Variants in THRAP3 observed in about 807,000 individuals in gnomAD.
The protein encoded by THRAP3 is thyroid hormone receptor-associated protein 3.
Under a neutral mutation model 101.0 loss-of-function variants are expected in THRAP3, and 16 were observed. The ratio of observed to expected loss-of-function variants is 0.16; its 90% CI spans 0.11 to 0.24. The LOEUF (loss-of-function observed/expected upper bound fraction) is 0.24, where lower values mean the gene tolerates loss of function less well. Among genes scored for constraint, THRAP3 ranks in the 10% least tolerant of loss-of-function variants. The probability of loss-of-function intolerance (pLI) is 1.00; values close to 1 mark genes in which losing one functional copy is unlikely to be tolerated. For synonymous variants in THRAP3, 407 were observed against 422.6 expected (o/e 0.96, Z 0.45); for missense variants, 989 against 1,202.7 (o/e 0.82, Z 2.63).
intron 6 of THRAP3, among the ~76,000 whole-genome samples, chr1:36,292,252 GTTTCTTTGTTTCTTTTT>G (rs1645880562): frequency 1.7e-5 from 1 of 57,504 alleles, no homozygotes; most frequent in South Asian, 8.1e-4. Flanking sequence ...AACATAATGT[GTTTCTTTGTTTCTTTTT>G]TTTTTTTTTT....
At chr1:36,209,573 T>C in the THRAP3 span, among the ~76,000 whole-genome samples, 1 of 152,102 alleles carries the variant, frequency 6.6e-6, no homozygotes, top group Non-Finnish European at 1.5e-5. Flanking sequence ...TTAGACCAGA[T>C]AATAAAGTGC....
At position 36,243,474 on chromosome 1, in the gene THRAP3, A is replaced by G. The variant is rs1293061286; in HGVS notation, c.-134-15908A>G. On this transcript the variant is annotated intron_variant, in intron 1 of 11. Coordinates refer to ENST00000354618, the MANE Select transcript of THRAP3 (RefSeq NM_005119.4). ...ACCGCCCTTAATCCATTCAACCCTGAGTGGATACAGCACATGTTTCAGAGA... is the reference window on the plus strand; with the variant it reads ...ACCGCCCTTAATCCATTCAACCCTGGGTGGATACAGCACATGTTTCAGAGA... Among the ~76,000 whole-genome samples the G allele has an allele frequency of 2.6e-5, 4 of 152,108 alleles. No individual in the cohort carries two copies. The East Asian group carries it at 5.8e-4, about 22-fold the overall frequency.
intron 4 of THRAP3, chr1:36,288,326 T>A: frequency 1.1e-6 from 1 of 928,752 alleles, no homozygotes; most frequent in Non-Finnish European, 1.3e-6. Flanking sequence ...TCTCCTTGAG[T>A]TCCCAAAGTT....
chr1:36,281,591 TTA>T (rs1645732272), intron 2 of THRAP3, among the ~76,000 whole-genome samples: 1 of 151,604 alleles, frequency 6.6e-6, no homozygotes, highest in African/African-American at 2.4e-5. Flanking sequence ...TTTTTTTTTT[TTA>T]ATGTTACTTT....
In THRAP3 at chr1:36,304,264, G is replaced by T; in HGVS notation, c.*247G>T. ...GAATACAACGCATTGGGCTTTAGCT[G>T]TTTTTCTCATTTGTTGGTGTGTGGG... On this transcript the variant is annotated 3_prime_UTR_variant, in exon 12 of 12. Coordinates refer to ENST00000354618, the MANE Select transcript of THRAP3 (RefSeq NM_005119.4). The T allele has an allele frequency of 5.1e-5, 18 of 350,454 alleles. No individual in the cohort carries two copies. The highest frequency in any genetic ancestry group is 6.0e-5 in the Non-Finnish European group (12 of 198,744). 21.7% of individuals were successfully genotyped at this position (350,454 alleles called of 1,614,324 possible). A position where few individuals can be genotyped will look rare whatever the true frequency, so the allele number is the denominator to read the frequency against.
At chr1:36,290,741 C>T (rs972044465) in intron 5 of THRAP3, among the ~76,000 whole-genome samples, 3 of 152,232 alleles carry the variant, frequency 2.0e-5, no homozygotes, top group Non-Finnish European at 4.4e-5. Flanking sequence ...GCTGGGATTA[C>T]AGGCATGAGC....
chr1:36,299,503 G>A (rs1233872848), intron 9 of THRAP3, among the ~76,000 whole-genome samples: 1 of 147,558 alleles, frequency 6.8e-6, no homozygotes, highest in Admixed American at 6.7e-5. Flanking sequence ...TTTTTTTTTT[G>A]TTTTGTTTTG....
intron 9 of THRAP3, 81 bp from the exon 10 acceptor site, chr1:36,300,805 C>G: frequency 2.1e-6 from 3 of 1,415,384 alleles, no homozygotes; most frequent in Non-Finnish European, 3.0e-6. Flanking sequence ...TTTTGATTGC[C>G]CTGTGCTTAT....
In THRAP3 at chr1:36,304,446, CTTTT is replaced by C. The variant is rs78206872; in HGVS notation, c.*443_*446del. 10 of 183,382 alleles carry C rather than the reference CTTTT, an allele frequency of 5.5e-5. No homozygotes were observed. Among genetic ancestry groups the C allele is most frequent in the East Asian group, 1.6e-4 (2 of 12,592 alleles). The allele number at this position is 183,382 out of a possible 1,614,324, so 11.4% of individuals were successfully genotyped here. ...CTGTCCTGATTTTAAAAGCCCCCTC[CTTTT>C]TTTTTTTTTTTTTCTTTTTTTAGGC... On this transcript the variant is annotated 3_prime_UTR_variant, in exon 12 of 12. Transcript: ENST00000354618.
At chr1:36,211,317 C>T in the THRAP3 span, among the ~76,000 whole-genome samples, 1 of 151,272 alleles carries the variant, frequency 6.6e-6, no homozygotes, top group African/African-American at 2.4e-5. Flanking sequence ...GTTGTGATCA[C>T]ACCACTGTAC....
Position 36,275,116 on chromosome 1 carries a change from TACAC to T in THRAP3, c.-31-7399_-31-7396del, listed in dbSNP as rs142851565. On this transcript the variant is annotated intron_variant, in intron 2 of 11. Transcript: ENST00000354618. ...GTGAAACCCCGTCTCTACTAAAAAA[TACAC>T]ACACACACACACACACAAAATTAGC... Among the ~76,000 whole-genome samples the T allele has an allele frequency of 1.0e-4, 14 of 139,598 alleles. 1 individual carries two copies. Among genetic ancestry groups the T allele is most frequent in the East Asian group, 2.2e-4 (1 of 4,462 alleles). 91.6% of individuals were successfully genotyped at this position (139,598 alleles called of 152,430 possible).
intron 1 of THRAP3, among the ~76,000 whole-genome samples, chr1:36,249,691 T>TGTGTGA (rs1388254720): frequency 1.8e-4 from 26 of 143,956 alleles, no homozygotes; most frequent in African/African-American, 7.2e-4. Context: ...GGTGAGTGTG[T>TGTGTGA]GTGTGTGTGT....
chr1:36,250,393 T>G (rs1207340377), intron 1 of THRAP3, among the ~76,000 whole-genome samples: 2 of 151,942 alleles, frequency 1.3e-5, no homozygotes, highest in African/African-American at 2.4e-5. Flanking sequence ...TTTGTATTTT[T>G]AGTAGAGACC....
intron 2 of THRAP3, among the ~76,000 whole-genome samples, chr1:36,268,754 CTCTA>C (rs1228623292): frequency 7.3e-5 from 11 of 151,338 alleles, no homozygotes; most frequent in South Asian, 2.1e-4. Flanking sequence ...CGGAGTCTCG[CTCTA>C]TCTGTCACCC....
chr1:36,247,994 C>T (rs927058280), intron 1 of THRAP3, among the ~76,000 whole-genome samples: 1 of 151,728 alleles, frequency 6.6e-6, no homozygotes, highest in Admixed American at 6.6e-5. Context: ...ATTTTCCTGC[C>T]TCAGCCCCCC....
intron 5 of THRAP3, among the ~76,000 whole-genome samples, chr1:36,290,002 ACT>A (rs1235750193): frequency 1.3e-5 from 2 of 151,628 alleles, no homozygotes; most frequent in Non-Finnish European, 2.9e-5. Context: ...TGACTGGCTC[ACT>A]CTCTGTTCAT....
intron 1 of THRAP3, among the ~76,000 whole-genome samples, chr1:36,237,161 TCAAAA>T (rs1299031723): frequency 2.7e-5 from 4 of 150,182 alleles, no homozygotes; most frequent in African/African-American, 9.8e-5. Flanking sequence ...AAACTCCATC[TCAAAA>T]CAAAAAGCAG....
At chr1:36,247,190 G>C (rs1166327352) in intron 1 of THRAP3, among the ~76,000 whole-genome samples, 1 of 151,896 alleles carries the variant, frequency 6.6e-6, no homozygotes, top group African/African-American at 2.4e-5. Context: ...GGTGGTGGGC[G>C]CCTGTAATCC....
chr1:36,288,149 T>G, intron 4 of THRAP3: 1 of 955,650 alleles, frequency 1.0e-6, no homozygotes, highest in Middle Eastern at 5.5e-4. Flanking sequence ...CTGTTTTATT[T>G]TATTTATTTA....
Sources: allele counts gnomAD v4.1 joint callset (sites outside exome capture counted in the v4.1 genomes callset), GRCh38; gene constraint gnomAD v4.1.1; transcripts MANE v1.5; gene names NCBI Gene and HGNC (gene_info 2026-07-23, HGNC 2026-07-21).